SUCLG2: variants seen among roughly 807,000 people sequenced by gnomAD.
SUCLG2 encodes succinate--CoA ligase [GDP-forming] subunit beta, mitochondrial.
In SUCLG2, 42 loss-of-function variants were observed where a neutral mutation model predicts 47.9. The observed-to-expected ratio is 0.88, with a 90% CI of 0.69 to 1.14. The LOEUF (loss-of-function observed/expected upper bound fraction) is 1.14. Among genes scored for constraint, SUCLG2 ranks in the 50% most tolerant of loss-of-function variants. SUCLG2 has a pLI of 0.00. For synonymous variants in SUCLG2, 195 were observed against 197.3 expected, an observed-to-expected ratio of 0.99 and a Z score of 0.10; for missense variants, 571 against 525.9, an observed-to-expected ratio of 1.09 and a Z score of -0.84.
At position 67,647,201 on chromosome 3, in the gene SUCLG2, A is replaced by C. The variant is rs9867585; in HGVS notation, c.84+7302T>G. Among the ~76,000 whole-genome samples, 1,117 of 152,248 alleles carry C rather than the reference A, an allele frequency of 7.3e-3. 16 individuals carry two copies. Among genetic ancestry groups the C allele is most frequent in the African/African-American group, 0.025 (1,045 of 41,534 alleles). ...AACCCACAGGACCCAAACTTACACA[A>C]ACCATGCCTTGTGCTTTGCCATGTC... On this transcript the variant is annotated intron_variant, in intron 1 of 10. Coordinates refer to ENST00000307227, the MANE Select transcript of SUCLG2 (RefSeq NM_003848.4).
At chr3:67,511,499 G>T (rs1354839453) in intron 6 of SUCLG2, among the ~76,000 whole-genome samples, 1 of 152,150 alleles carries the variant, frequency 6.6e-6, no homozygotes, top group African/African-American at 2.4e-5. Context: ...TAAAGGGGGG[G>T]TTCCTCTGCA....
chr3:67,550,874 T>C (rs1706995993), intron 2 of SUCLG2, among the ~76,000 whole-genome samples: 1 of 151,570 alleles, frequency 6.6e-6, no homozygotes, highest in South Asian at 2.1e-4. Flanking sequence ...AGTGCTTACG[T>C]TTAAGAGTTA....
intron 10 of SUCLG2, among the ~76,000 whole-genome samples, chr3:67,360,970 C>T (rs1036049563): frequency 9.2e-5 from 14 of 152,154 alleles, no homozygotes; most frequent in African/African-American, 2.7e-4. Context: ...GGGAAAACAA[C>T]GTCATCGTCT....
At chr3:67,409,170 G>T (rs1702880916) in intron 9 of SUCLG2, 2 of 943,482 alleles carry the variant, frequency 2.1e-6, no homozygotes, top group Non-Finnish European at 3.1e-6. Context: ...GCATTTCCTA[G>T]TTAGATGGGG....
intron 2 of SUCLG2, among the ~76,000 whole-genome samples, chr3:67,572,700 G>C (rs1028102923): frequency 6.6e-6 from 1 of 152,068 alleles, no homozygotes; most frequent in African/African-American, 2.4e-5. Flanking sequence ...CCAGGAATAT[G>C]ACAAATATCA....
chr3:67,517,772 A>G (rs544240315), intron 6 of SUCLG2, among the ~76,000 whole-genome samples: 74 of 152,358 alleles, frequency 4.9e-4, no homozygotes, highest in Non-Finnish European at 9.4e-4. Context: ...GCTAAATAAC[A>G]TGTATTATTA....
chr3:67,546,794 G>T (rs543965846), intron 2 of SUCLG2, among the ~76,000 whole-genome samples: 151 of 152,172 alleles, frequency 9.9e-4, no homozygotes, highest in African/African-American at 3.4e-3. Flanking sequence ...CCAGCTACTT[G>T]GGAGGCTGAG....
chr3:67,604,143 C>T (rs1012120506), intron 2 of SUCLG2, among the ~76,000 whole-genome samples: 3 of 152,206 alleles, frequency 2.0e-5, no homozygotes, highest in Admixed American at 1.3e-4. Flanking sequence ...CCATTATGAA[C>T]AGTGTTTCAG....
At chr3:67,473,755 C>T (rs1286342209) in intron 9 of SUCLG2, among the ~76,000 whole-genome samples, 2 of 152,174 alleles carry the variant, frequency 1.3e-5, no homozygotes, top group Non-Finnish European at 2.9e-5. Context: ...CCAAAACTTG[C>T]CAAGTGCAGC....
intron 9 of SUCLG2, among the ~76,000 whole-genome samples, chr3:67,429,803 G>C (rs543919394): frequency 2.8e-4 from 43 of 152,264 alleles, no homozygotes; most frequent in African/African-American, 1.0e-3. Context: ...TGCAATCCTA[G>C]TTTCTGATAA....
At chr3:67,515,025 C>T (rs1298063852) in intron 6 of SUCLG2, among the ~76,000 whole-genome samples, 2 of 152,264 alleles carry the variant, frequency 1.3e-5, no homozygotes, top group East Asian at 3.9e-4. Flanking sequence ...AAGCCCAATG[C>T]TACATCGCAA....
At chr3:67,649,820 C>T (rs1701254709) in intron 1 of SUCLG2, among the ~76,000 whole-genome samples, 3 of 152,212 alleles carry the variant, frequency 2.0e-5, no homozygotes, top group Admixed American at 6.5e-5. Context: ...GTGGTAAAGA[C>T]AGCTGAAGGA....
At chr3:67,632,812 C>G (rs555387387) in intron 1 of SUCLG2, among the ~76,000 whole-genome samples, 1 of 152,272 alleles carries the variant, frequency 6.6e-6, no homozygotes, top group South Asian at 2.1e-4. Flanking sequence ...AGTCTATGAC[C>G]TTAATCACTT....
intron 2 of SUCLG2, among the ~76,000 whole-genome samples, chr3:67,562,280 G>T (rs758573517): frequency 2.7e-5 from 4 of 150,826 alleles, no homozygotes; most frequent in Non-Finnish European, 1.5e-5. Context: ...CAGTTTTTTT[G>T]TTTGTTTTTT....
chr3:67,589,667 G>A (rs1575799994), intron 2 of SUCLG2, among the ~76,000 whole-genome samples: 1 of 152,180 alleles, frequency 6.6e-6, no homozygotes, highest in Non-Finnish European at 1.5e-5. Flanking sequence ...GGCCTTCCAA[G>A]GGAAGCATCT....
At chr3:67,412,309 C>A (rs550700775) in intron 9 of SUCLG2, among the ~76,000 whole-genome samples, 1 of 152,296 alleles carries the variant, frequency 6.6e-6, no homozygotes, top group African/African-American at 2.4e-5. Flanking sequence ...CCATGGTTAA[C>A]CTTTCATGGA....
intron 2 of SUCLG2, among the ~76,000 whole-genome samples, chr3:67,571,878 T>C (rs149654634): frequency 6.6e-6 from 1 of 152,334 alleles, no homozygotes; most frequent in African/African-American, 2.4e-5. Flanking sequence ...AGACCACATG[T>C]TGCTCTTTCC....
Position 67,597,710 on chromosome 3 carries a change from C to T in SUCLG2, c.226+11745G>A, listed in dbSNP as rs1314724799. Reference sequence around the variant, plus strand: ...GTCCCAGCACTTTGGGAGGCCAAGGCGGGTGGATCACAAGGTCAGGAGTTC... The same window carrying T: ...GTCCCAGCACTTTGGGAGGCCAAGGTGGGTGGATCACAAGGTCAGGAGTTC... On this transcript the variant is annotated intron_variant, in intron 2 of 10. Coordinates refer to ENST00000307227, the MANE Select transcript of SUCLG2 (RefSeq NM_003848.4). Among the ~76,000 whole-genome samples the T allele has an allele frequency of 3.3e-5, 5 of 152,012 alleles. 1 individual carries two copies. In the South Asian group the frequency reaches 6.2e-4, roughly 19 times the overall value.
intron 10 of SUCLG2, among the ~76,000 whole-genome samples, chr3:67,381,054 G>A (rs1702147508): frequency 6.6e-6 from 1 of 152,128 alleles, no homozygotes; most frequent in South Asian, 2.1e-4. Flanking sequence ...ATGGTGGCCT[G>A]TAGTCCCAGC....
Sources: allele counts gnomAD v4.1 joint callset (sites outside exome capture counted in the v4.1 genomes callset), GRCh38; gene constraint gnomAD v4.1.1; transcripts MANE v1.5; gene names NCBI Gene and HGNC (gene_info 2026-07-23, HGNC 2026-07-21).